Variants in CCDC85A observed in about 807,000 individuals in gnomAD.
CCDC85A encodes coiled-coil domain containing 85A.
CCDC85A carries 38 observed loss-of-function variants against 50.2 expected under a neutral mutation model. The ratio of observed to expected loss-of-function variants is 0.76; its 90% CI spans 0.58 to 0.99. The LOEUF (loss-of-function observed/expected upper bound fraction) is 0.99, where lower values mean the gene tolerates loss of function less well. Among genes scored for constraint, CCDC85A ranks in the 50% least tolerant of loss-of-function variants. The pLI, the probability that CCDC85A is intolerant of heterozygous loss-of-function variation, is 0.00. For missense variants in CCDC85A, 820 were observed against 742.0 expected, an observed-to-expected ratio of 1.11 and a Z score of -1.22; for synonymous variants, 366 against 301.4, an observed-to-expected ratio of 1.21 and a Z score of -2.22.
chr2:56,366,502 AC>A (rs1226209883), intron 3 of CCDC85A, among the ~76,000 whole-genome samples: 1 of 152,112 alleles, frequency 6.6e-6, no homozygotes, highest in Non-Finnish European at 1.5e-5. Flanking sequence ...CTTGATTAGA[AC>A]TGTTCAGCAT....
In CCDC85A at chr2:56,383,404, A is replaced by G. The variant is rs78668839; in HGVS notation, c.1573-862A>G. 2.6e-3 allele frequency among the ~76,000 whole-genome samples: 389 copies of G among 152,096 alleles called. 1 individual carries two copies. Among genetic ancestry groups the G allele is most frequent in the African/African-American group, 8.6e-3 (357 of 41,536 alleles). On this transcript the variant is annotated intron_variant, in intron 5 of 5. Coordinates refer to ENST00000407595, the MANE Select transcript of CCDC85A (RefSeq NM_001080433.2). Reference sequence around the variant, plus strand: ...GCTGTTATTGTGCATGTGCACATACATGCATGTGCATGTGTGTGTATTCCA... The same window carrying G: ...GCTGTTATTGTGCATGTGCACATACGTGCATGTGCATGTGTGTGTATTCCA...
chr2:56,260,539 T>C (rs902026776), intron 2 of CCDC85A, among the ~76,000 whole-genome samples: 2 of 152,240 alleles, frequency 1.3e-5, no homozygotes, highest in African/African-American at 2.4e-5. Flanking sequence ...GGTAGCTTTT[T>C]TGCCTGCAGG....
intron 2 of CCDC85A, among the ~76,000 whole-genome samples, chr2:56,313,207 C>A (rs111705348): frequency 1.3e-5 from 2 of 152,156 alleles, no homozygotes; most frequent in East Asian, 3.9e-4. Flanking sequence ...ACTCTGTCTT[C>A]TATTTTTATC....
At chr2:56,270,423 A>G (rs1670647933) in intron 2 of CCDC85A, among the ~76,000 whole-genome samples, 1 of 152,202 alleles carries the variant, frequency 6.6e-6, no homozygotes, top group Non-Finnish European at 1.5e-5. Flanking sequence ...TGTGATCATA[A>G]TATGCCAAAG....
At chr2:56,340,363 A>G (rs1335395124) in intron 2 of CCDC85A, among the ~76,000 whole-genome samples, 2 of 152,196 alleles carry the variant, frequency 1.3e-5, no homozygotes, top group African/African-American at 4.8e-5. Context: ...ACTTAGGTGC[A>G]CTACCGTATT....
intron 2 of CCDC85A, among the ~76,000 whole-genome samples, chr2:56,320,717 AG>A (rs1341301074): frequency 6.6e-6 from 1 of 152,216 alleles, no homozygotes; most frequent in Non-Finnish European, 1.5e-5. Flanking sequence ...AGGTACGAGG[AG>A]GAGCTGGTTC....
intron 3 of CCDC85A, among the ~76,000 whole-genome samples, chr2:56,355,074 T>C (rs1675154507): frequency 1.3e-5 from 2 of 152,192 alleles, no homozygotes; most frequent in Non-Finnish European, 2.9e-5. Context: ...TTAAGTCTAG[T>C]CCTGTGGGTT....
intron 2 of CCDC85A, among the ~76,000 whole-genome samples, chr2:56,252,584 G>C (rs1047284163): frequency 6.6e-6 from 1 of 152,082 alleles, no homozygotes; most frequent in Admixed American, 6.5e-5. Flanking sequence ...GGATACGTGT[G>C]CAGAATGTGC....
chr2:56,353,660 C>G (rs1001501797), intron 3 of CCDC85A, among the ~76,000 whole-genome samples: 1 of 152,318 alleles, frequency 6.6e-6, no homozygotes, highest in African/African-American at 2.4e-5. Flanking sequence ...AATGCTGGTA[C>G]AGCCACCATG....
intron 2 of CCDC85A, among the ~76,000 whole-genome samples, chr2:56,314,922 A>T (rs139457520): frequency 6.6e-6 from 1 of 152,188 alleles, no homozygotes; most frequent in East Asian, 1.9e-4. Context: ...CACTTAGAGG[A>T]AAGGGTGTGG....
chr2:56,312,313 TGTGTTGGAA>T (rs1452089206), intron 2 of CCDC85A, among the ~76,000 whole-genome samples: 3 of 152,092 alleles, frequency 2.0e-5, no homozygotes, highest in Non-Finnish European at 4.4e-5. Flanking sequence ...TTTCGTGGAC[TGTGTTGGAA>T]CGCCTGGAGA....
chr2:56,383,111 G>T (rs900600134), intron 5 of CCDC85A, among the ~76,000 whole-genome samples: 9 of 151,932 alleles, frequency 5.9e-5, no homozygotes, highest in Admixed American at 2.6e-4. Flanking sequence ...CCATGTATTG[G>T]TATATGCTGA....
chr2:56,295,655 A>C (rs1193548414), intron 2 of CCDC85A, among the ~76,000 whole-genome samples: 1 of 152,086 alleles, frequency 6.6e-6, no homozygotes, highest in Non-Finnish European at 1.5e-5. Flanking sequence ...TCTGCCACTC[A>C]CTATCATTCC....
intron 2 of CCDC85A, among the ~76,000 whole-genome samples, chr2:56,306,414 C>A (rs115252433): frequency 0.016 from 2,503 of 152,184 alleles, 32 homozygotes; most frequent in Middle Eastern, 0.031. Context: ...AGGTGTAAGC[C>A]GCTGTGCCTG....
chr2:56,203,683 A>T (rs1446460865), intron 2 of CCDC85A, among the ~76,000 whole-genome samples: 2 of 152,158 alleles, frequency 1.3e-5, no homozygotes, highest in Non-Finnish European at 2.9e-5. Context: ...ATCCCTGTGG[A>T]CTTTCACCCA....
At chr2:56,224,417 C>G (rs1011468722) in intron 2 of CCDC85A, among the ~76,000 whole-genome samples, 48 of 152,268 alleles carry the variant, frequency 3.2e-4, no homozygotes, top group African/African-American at 1.1e-3. Context: ...ATTGCTATTA[C>G]ACATATGAAC....
chr2:56,238,738 C>T lies in CCDC85A; in HGVS notation c.1240+45298C>T, dbSNP rs1004165444. On this transcript the variant is annotated intron_variant, in intron 2 of 5. Coordinates refer to ENST00000407595, the MANE Select transcript of CCDC85A (RefSeq NM_001080433.2). ...ATTGATCATTTTTCTACTATAAGAC[C>T]ACTATATAAGAGTAAAAAACTCATA... 2.0e-5 allele frequency among the ~76,000 whole-genome samples: 3 copies of T among 152,110 alleles called. No homozygotes were observed. The South Asian group carries it at 6.2e-4, about 32-fold the overall frequency.
chr2:56,214,075 C>T (rs1003416743), intron 2 of CCDC85A, among the ~76,000 whole-genome samples: 8 of 151,812 alleles, frequency 5.3e-5, no homozygotes, highest in Non-Finnish European at 7.4e-5. Flanking sequence ...TGAGACAAGA[C>T]TACACGGATA....
chr2:56,293,513 A>G (rs1033309444), intron 2 of CCDC85A, among the ~76,000 whole-genome samples: 1 of 152,226 alleles, frequency 6.6e-6, no homozygotes, highest in African/African-American at 2.4e-5. Context: ...CTGCACAGCG[A>G]AAGAAACTAT....
Sources: gnomAD v4.1 joint callset for allele counts (sites outside exome capture counted in the v4.1 genomes callset) on GRCh38, gnomAD v4.1.1 for gene constraint, MANE v1.5 for transcripts, NCBI Gene and HGNC (gene_info 2026-07-23, HGNC 2026-07-21) for gene names.